GPC6: variants seen among roughly 807,000 people sequenced by gnomAD.
GPC6 encodes the protein glypican 6, also known as glypican-6.
A neutral mutation model predicts 55.2 loss-of-function variants in GPC6; 14 were observed. That is an observed-to-expected ratio of 0.25 (90% CI 0.17 to 0.40). The LOEUF is 0.40. Among genes scored for constraint, GPC6 ranks in the 10% least tolerant of loss-of-function variants. GPC6 has a pLI of 1.00. For synonymous variants in GPC6, 278 were observed against 259.6 expected (o/e 1.07, Z -0.68); for missense variants, 641 against 708.5 (o/e 0.90, Z 1.08).
intron 1 of GPC6, among the ~76,000 whole-genome samples, chr13:93,511,452 A>AT (rs34361994): frequency 0.83 from 125,412 of 151,514 alleles, 53,111 homozygotes; most frequent in Non-Finnish European, 0.92. Flanking sequence ...CCCAATATAA[A>AT]TTTTTTTGGC....
intron 4 of GPC6, among the ~76,000 whole-genome samples, chr13:94,070,273 C>T (rs1191192077): frequency 6.6e-6 from 1 of 152,134 alleles, no homozygotes; most frequent in Non-Finnish European, 1.5e-5. Flanking sequence ...AGGAAAGACC[C>T]ACCTCCATGA....
intron 4 of GPC6, among the ~76,000 whole-genome samples, chr13:94,076,189 C>T (rs1183123579): frequency 6.6e-6 from 1 of 150,884 alleles, no homozygotes; most frequent in Admixed American, 6.6e-5. Context: ...ATTTACTGTG[C>T]TTTCATTAAA....
chr13:94,238,990 C>G lies in GPC6; in HGVS notation c.878-47359C>G, dbSNP rs546362785. ...ATCATTCATAATGCTATAGTTTAGC[C>G]TATGTTTGGCTAAAATAAAGATTGT... is the stretch of plus-strand genomic sequence containing the variant. On this transcript the variant is annotated intron_variant, in intron 4 of 8. Transcript: ENST00000377047. Among the ~76,000 whole-genome samples the G allele has an allele frequency of 2.0e-5, 3 of 152,198 alleles. No individual in the cohort carries two copies. In the East Asian group the frequency reaches 5.8e-4, roughly 29 times the overall value.
At chr13:94,386,978 T>A (rs1880439679) in intron 7 of GPC6, among the ~76,000 whole-genome samples, 2 of 152,200 alleles carry the variant, frequency 1.3e-5, no homozygotes, top group Admixed American at 1.3e-4. Flanking sequence ...TCAAAATGAC[T>A]CTTACAGTAG....
At chr13:94,076,920 C>T in intron 4 of GPC6, among the ~76,000 whole-genome samples, 1 of 149,444 alleles carries the variant, frequency 6.7e-6, no homozygotes, top group East Asian at 1.9e-4. Context: ...GTGATGCCTC[C>T]AGCTTTGTTC....
At chr13:94,356,753 G>A (rs74860989) in intron 6 of GPC6, among the ~76,000 whole-genome samples, 6,356 of 152,136 alleles carry the variant, frequency 0.042, 209 homozygotes, top group Non-Finnish European at 0.068. Context: ...AATGAAAAAT[G>A]TAGCTGGGCA....
chr13:94,178,036 T>TTTTTTTTTTTTTTTTTA (rs1444438666), intron 4 of GPC6, among the ~76,000 whole-genome samples: 1 of 150,584 alleles, frequency 6.6e-6, no homozygotes. Context: ...TTTTTTTTTT[T>TTTTTTTTTTTTTTTTTA]GAGATGGAGT....
rs1217619435 is a variant in GPC6, at chr13:93,843,162, G to C, written c.711+12617G>C. ...GATTTGTTTGCTGCCGATATATCTG[G>C]GTATCTCTTACAAAAAAATAATTCC... On this transcript the variant is annotated intron_variant, in intron 3 of 8. Transcript: ENST00000377047. Among the ~76,000 whole-genome samples the C allele has an allele frequency of 2.0e-5, 3 of 149,606 alleles. No homozygotes were observed. In the East Asian group the frequency reaches 5.9e-4, roughly 29 times the overall value.
intron 2 of GPC6, among the ~76,000 whole-genome samples, chr13:93,719,877 G>C (rs1883390876): frequency 6.6e-6 from 1 of 152,000 alleles, no homozygotes; most frequent in Admixed American, 6.6e-5. Context: ...TTATGTGATG[G>C]ATTACATTTA....
chr13:93,284,365 G>A (rs184483596), intron 1 of GPC6, among the ~76,000 whole-genome samples: 1 of 152,172 alleles, frequency 6.6e-6, no homozygotes, highest in Non-Finnish European at 1.5e-5. Context: ...GGCTTATGAA[G>A]ATTTATACCA....
intron 4 of GPC6, among the ~76,000 whole-genome samples, chr13:94,189,255 CA>C (rs2138959496): frequency 6.6e-6 from 1 of 152,142 alleles, no homozygotes; most frequent in Admixed American, 6.5e-5. Flanking sequence ...CTCCTCTGTA[CA>C]AAATGGGCTT....
chr13:93,789,081 G>A (rs940855710), intron 2 of GPC6, among the ~76,000 whole-genome samples: 8 of 151,960 alleles, frequency 5.3e-5, no homozygotes, highest in African/African-American at 1.9e-4. Flanking sequence ...AAAAATCAAG[G>A]ATAGCATCAA....
At chr13:93,858,530 T>C (rs1397366371) in intron 3 of GPC6, among the ~76,000 whole-genome samples, 1 of 151,444 alleles carries the variant, frequency 6.6e-6, no homozygotes, top group Non-Finnish European at 1.5e-5. Flanking sequence ...GAACTCCAGC[T>C]TCAGAAATCT....
intron 1 of GPC6, among the ~76,000 whole-genome samples, chr13:93,255,675 C>T (rs979257342): frequency 6.6e-6 from 1 of 152,160 alleles, no homozygotes; most frequent in Non-Finnish European, 1.5e-5. Context: ...CAAAAACCTT[C>T]AACATTTAGC....
At chr13:94,231,074 CTT>C (rs1566571045) in intron 4 of GPC6, among the ~76,000 whole-genome samples, 1 of 152,116 alleles carries the variant, frequency 6.6e-6, no homozygotes, top group East Asian at 1.9e-4. Flanking sequence ...GTTGCTAAGA[CTT>C]TGGCTGAATT....
At chr13:94,201,659 T>C (rs1889754017) in intron 4 of GPC6, among the ~76,000 whole-genome samples, 2 of 152,228 alleles carry the variant, frequency 1.3e-5, no homozygotes, top group Admixed American at 6.5e-5. Flanking sequence ...CATTAAGATG[T>C]CTACATAGCG....
intron 4 of GPC6, among the ~76,000 whole-genome samples, chr13:94,208,683 G>C (rs1393585818): frequency 6.7e-6 from 1 of 150,164 alleles, no homozygotes. Flanking sequence ...ACATGATGGT[G>C]GGAGGCCAAG....
chr13:94,039,567 T>C (rs1046365317), intron 4 of GPC6, among the ~76,000 whole-genome samples: 1 of 151,936 alleles, frequency 6.6e-6, no homozygotes, highest in African/African-American at 2.4e-5. Context: ...ATGGCAAATA[T>C]GGATTTCTTC....
chr13:94,286,524 AGG>A, intron 5 of GPC6, 45 bp downstream of exon 5: 1 of 1,562,838 alleles, frequency 6.4e-7, no homozygotes, highest in Non-Finnish European at 8.8e-7. Flanking sequence ...TATGTTATAC[AGG>A]TGCAATAACC....
Sources: gnomAD v4.1 joint callset for allele counts (sites outside exome capture counted in the v4.1 genomes callset) on GRCh38, gnomAD v4.1.1 for gene constraint, MANE v1.5 for transcripts, NCBI Gene and HGNC (gene_info 2026-07-23, HGNC 2026-07-21) for gene names.